RP1: variants seen among roughly 807,000 people sequenced by gnomAD.
The protein encoded by RP1 is RP1 axonemal microtubule associated, also known as oxygen-regulated protein 1.
Under a neutral mutation model 14.8 loss-of-function variants are expected in RP1, and 16 were observed. The ratio of observed to expected loss-of-function variants is 1.08; its 90% CI spans 0.73 to 1.65. The LOEUF (loss-of-function observed/expected upper bound fraction) is 1.65, where lower values mean the gene tolerates loss of function less well. Among genes scored for constraint, RP1 ranks in the 40% most tolerant of loss-of-function variants. RP1 has a pLI of 0.00. For synonymous variants in RP1, 876 were observed against 883.6 expected (o/e 0.99, Z 0.15); for missense variants, 2,631 against 2,535.0 (o/e 1.04, Z -0.81).
At chr8:54,840,076 T>C (rs796848018) in intron 25 of RP1, among the ~76,000 whole-genome samples, 1 of 152,282 alleles carries the variant, frequency 6.6e-6, no homozygotes, top group African/African-American at 2.4e-5. Flanking sequence ...CTACCCTGCA[T>C]GTCTCAGGAC....
intron 24 of RP1, among the ~76,000 whole-genome samples, chr8:54,787,358 T>A (rs749835345): frequency 1.2e-4 from 19 of 152,094 alleles, no homozygotes; most frequent in Non-Finnish European, 2.5e-4. Flanking sequence ...GTTTATTGCC[T>A]GACATAGACT....
At chr8:54,722,902 C>T (rs1435119263) in intron 16 of RP1, among the ~76,000 whole-genome samples, 1 of 152,138 alleles carries the variant, frequency 6.6e-6, no homozygotes, top group African/African-American at 2.4e-5. Context: ...TCTGACATGG[C>T]ACACCATCAC....
chr8:54,761,205 G>A (rs1052662356), intron 22 of RP1, among the ~76,000 whole-genome samples: 11 of 147,310 alleles, frequency 7.5e-5, no homozygotes, highest in South Asian at 4.3e-4. Flanking sequence ...ATTTCACATC[G>A]TCACCCATCA....
intron 6 of RP1, among the ~76,000 whole-genome samples, chr8:54,662,515 A>G (rs1464595872): frequency 6.6e-6 from 1 of 152,168 alleles, no homozygotes; most frequent in Non-Finnish European, 1.5e-5. Context: ...TGTTGGCTCC[A>G]ATGTGCTCTT....
intron 1 of RP1, among the ~76,000 whole-genome samples, chr8:54,562,243 T>G (rs940990645): frequency 6.6e-6 from 1 of 152,232 alleles, no homozygotes; most frequent in African/African-American, 2.4e-5. Flanking sequence ...GGGAGCAACA[T>G]TTTTCATTAA....
At chr8:54,860,904 A>T (rs1480268868) in intron 27 of RP1, among the ~76,000 whole-genome samples, 1 of 152,240 alleles carries the variant, frequency 6.6e-6, no homozygotes, top group Non-Finnish European at 1.5e-5. Flanking sequence ...AAAATGTGGT[A>T]GGTAGGCTGG....
intron 1 of RP1, among the ~76,000 whole-genome samples, chr8:54,579,170 A>G (rs535879388): frequency 6.6e-6 from 1 of 152,342 alleles, no homozygotes; most frequent in Admixed American, 6.5e-5. Flanking sequence ...TCTAGGAAAC[A>G]GACATCAGGG....
intron 3 of RP1, among the ~76,000 whole-genome samples, chr8:54,646,272 C>T (rs1169966618): frequency 1.3e-5 from 2 of 151,548 alleles, no homozygotes; most frequent in African/African-American, 4.8e-5. Flanking sequence ...TGTTCTCTTC[C>T]TCCTCCCTAC....
intron 7 of RP1, among the ~76,000 whole-genome samples, chr8:54,666,026 C>T (rs370427572): frequency 6.6e-6 from 1 of 151,914 alleles, no homozygotes; most frequent in Non-Finnish European, 1.5e-5. Flanking sequence ...CTTGAGAATG[C>T]CTATCCCCAT....
chr8:54,668,740 A>G lies in RP1; in HGVS notation c.1323+4890A>G, dbSNP rs189520499. Among the ~76,000 whole-genome samples, 1,166 of 152,298 alleles carry G rather than the reference A, an allele frequency of 7.7e-3. 19 individuals are homozygous for G. The highest frequency in any genetic ancestry group is 0.027 in the African/African-American group (1,106 of 41,572). ...AACACCACACATCTACAACCATCTG[A>G]TCTTTGACAAACCTGACAAAAACAA... On this transcript the variant is annotated intron_variant, in intron 7 of 22. Coordinates refer to the RP1 transcript ENST00000636932.
At chr8:54,588,488 A>G (rs1426685680) in intron 1 of RP1, among the ~76,000 whole-genome samples, 1 of 152,198 alleles carries the variant, frequency 6.6e-6, no homozygotes, top group Non-Finnish European at 1.5e-5. Flanking sequence ...GGATCTCACC[A>G]TAGAAGGAAG....
chr8:54,829,208 T>A (rs1367910509), intron 24 of RP1, among the ~76,000 whole-genome samples: 2 of 152,184 alleles, frequency 1.3e-5, no homozygotes, highest in Non-Finnish European at 2.9e-5. Context: ...TGACTATATA[T>A]AATTTCTAGA....
At chr8:54,581,230 C>A (rs2129296725) in intron 1 of RP1, among the ~76,000 whole-genome samples, 1 of 151,664 alleles carries the variant, frequency 6.6e-6, no homozygotes, top group African/African-American at 2.4e-5. Context: ...TGTTCAATTC[C>A]CACCTATGAG....
At chr8:54,747,641 C>T (rs1809260003) in intron 19 of RP1, among the ~76,000 whole-genome samples, 1 of 152,212 alleles carries the variant, frequency 6.6e-6, no homozygotes, top group South Asian at 2.1e-4. Context: ...TGGCTCATGC[C>T]TGTAATCCCA....
chr8:54,611,888 C>CCTTCCTTT (rs1805604527), upstream of RP1, among the ~76,000 whole-genome samples: 1 of 140,220 alleles, frequency 7.1e-6, no homozygotes, highest in African/African-American at 2.8e-5. Flanking sequence ...TCCCTCTCTC[C>CCTTCCTTT]CTTCCTTCCT....
intron 17 of RP1, among the ~76,000 whole-genome samples, chr8:54,727,734 A>T (rs992814415): frequency 6.6e-6 from 1 of 151,974 alleles, no homozygotes; most frequent in Middle Eastern, 3.2e-3. Flanking sequence ...TTATAGGTAA[A>T]ACAGACTTGG....
At chr8:54,566,989 G>A (rs1349959099) in intron 1 of RP1, among the ~76,000 whole-genome samples, 1 of 152,154 alleles carries the variant, frequency 6.6e-6, no homozygotes, top group Non-Finnish European at 1.5e-5. Context: ...GTGGCAGGGA[G>A]CCCGGTGTGA....
chr8:54,621,590 T>G lies in RP1; in HGVS notation c.615+9T>G. On this transcript the variant is annotated intron_variant, in intron 2 of 3. Coordinates refer to ENST00000220676, the MANE Select transcript of RP1 (RefSeq NM_006269.2). The stretch of plus-strand genomic sequence containing the variant: ...CTACGGACGGAAGGAGGGTGAGCGT[T>G]CTGGGGGCTCCTCGAGCCTGAGCTC... The G allele has an allele frequency of 6.2e-7, 1 of 1,614,042 alleles. No homozygotes were observed. The highest frequency in any genetic ancestry group is 8.5e-7 in the Non-Finnish European group (1 of 1,180,010).
At position 54,671,685 on chromosome 8, in the gene RP1, A is replaced by T. The variant is rs569772150; in HGVS notation, c.1324-2165A>T. Among the ~76,000 whole-genome samples, 20 of 152,138 alleles carry T rather than the reference A, an allele frequency of 1.3e-4. No individual in the cohort carries two copies. In the South Asian group the frequency reaches 4.2e-3, roughly 32 times the overall value. On this transcript the variant is annotated intron_variant, in intron 7 of 22. Transcript: ENST00000636932. ...TAGAATTTCTGTTTTGTTCTTTCTT[A>T]TAGTTTCTATCTTTTTCATTGTATT... is the stretch of plus-strand genomic sequence containing the variant.
Sources: allele counts gnomAD v4.1 joint callset (sites outside exome capture counted in the v4.1 genomes callset), GRCh38; gene constraint gnomAD v4.1.1; transcripts MANE v1.5; gene names NCBI Gene and HGNC (gene_info 2026-07-23, HGNC 2026-07-21).